Variants in EP300 observed in about 807,000 individuals in gnomAD.
EP300 encodes the protein EP300 lysine acetyltransferase.
Under a neutral mutation model 264.0 loss-of-function variants are expected in EP300, and 31 were observed. The observed-to-expected ratio is 0.12, with a 90% CI of 0.09 to 0.16. The LOEUF (loss-of-function observed/expected upper bound fraction) is 0.16. Among genes scored for constraint, EP300 ranks in the 10% least tolerant of loss-of-function variants. The pLI is 1.00. For missense variants in EP300, 2,766 were observed against 3,052.9 expected (o/e 0.91, Z 2.21); for synonymous variants, 1,340 against 1,045.4 (o/e 1.28, Z -5.44).
Position 41,155,055 on chromosome 22 carries a change from A to T in EP300, c.3203A>T (p.Gln1068Leu). The change falls in exon 17 of 31, where the codon CAG (glutamine) becomes CTG (leucine). Residue 1068 changes from glutamine (Q) to leucine (L), a missense_variant. Physicochemically the swap from Gln to Leu is moderately radical, Grantham distance 113 (BLOSUM62 -2). Coordinates refer to ENST00000263253, the MANE Select transcript of EP300 (RefSeq NM_001429.4). ...CCAACTTTGGAGGCACTTTACCGTC[A>T]GGATCCAGAATCCCTTCCCTTTCGT... is the stretch of plus-strand genomic sequence containing the variant. ...LMPTLEALYR[Q>L]DPESLPFRQP... 1.2e-6 allele frequency: 2 copies of T among 1,614,152 alleles called. No homozygotes were observed. The highest frequency in any genetic ancestry group is 1.7e-6 in the Non-Finnish European group (2 of 1,180,008).
Position 41,137,675 on chromosome 22 carries a change from A to C in EP300, c.1645A>C (p.Ser549Arg). 6.2e-7 allele frequency: 1 copy of C among 1,614,200 alleles called. No homozygotes were observed. Among genetic ancestry groups the C allele is most frequent in the Non-Finnish European group, 8.5e-7 (1 of 1,180,022 alleles). Reference protein sequence around the residue: ...SQNPMMSENASVPSLGPMPTA... With the variant: ...SQNPMMSENARVPSLGPMPTA... The stretch of plus-strand genomic sequence containing the variant: ...AAGCCCAATGATGAGTGAAAATGCC[A>C]GTGTGCCCTCCCTGGGTCCTATGCC... Residue 549 changes from serine (S) to arginine (R), a missense_variant, in exon 8 of 31, where the codon AGT becomes CGT. Transcript: ENST00000263253.
In EP300 at chr22:41,179,605, A is replaced by C. The variant is rs551821297; in HGVS notation, c.*649A>C. 5.9e-5 allele frequency: 13 copies of C among 218,532 alleles called. No individual in the cohort carries two copies. The South Asian group carries it at 2.4e-3, about 41-fold the overall frequency. 13.5% of individuals were successfully genotyped at this position (218,532 alleles called of 1,614,324 possible). On this transcript the variant is annotated 3_prime_UTR_variant, in exon 31 of 31. Coordinates refer to ENST00000263253, the MANE Select transcript of EP300 (RefSeq NM_001429.4). ...GCTCCAGAAAATTTTCTATTCTGTA[A>C]GTCTGAGCGTAAAACTTCAAGTATT... is the stretch of plus-strand genomic sequence containing the variant.
chr22:41,118,959 G>A (rs2058836373), intron 2 of EP300, among the ~76,000 whole-genome samples: 1 of 150,346 alleles, frequency 6.7e-6, no homozygotes, highest in African/African-American at 2.4e-5. Flanking sequence ...TTCTGTTTTA[G>A]CATTCCTTTG....
intron 10 of EP300, among the ~76,000 whole-genome samples, chr22:41,141,665 C>CTTTTTTTTTTTTTT (rs77123676): frequency 6.8e-6 from 1 of 146,122 alleles, no homozygotes. Context: ...TCTAGGAACT[C>CTTTTTTTTTTTTTT]TTTTTTTTTT....
At chr22:41,126,198 C>G (rs2058881423) in intron 3 of EP300, 158 bp downstream of exon 3, 4 of 712,912 alleles carry the variant, frequency 5.6e-6, no homozygotes, top group South Asian at 1.8e-5. Flanking sequence ...GCTTGTGCTT[C>G]CTTTCCATTT....
chr22:41,178,831 T>G lies in EP300; in HGVS notation c.7120T>G (p.Ser2374Ala), dbSNP rs768864659. 2.5e-6 allele frequency: 4 copies of G among 1,614,170 alleles called. No homozygotes were observed. The Admixed American group carries it at 6.7e-5, about 27-fold the overall frequency. The change falls in exon 31 of 31, where the codon TCT (serine) becomes GCT (alanine). Residue 2374 changes from serine to alanine, a missense_variant. Transcript: ENST00000263253. ...FASPDQNSML[S>A]QLASNPGMAN... The stretch of plus-strand genomic sequence containing the variant: ...CAGCCCGGACCAGAATTCAATGCTT[T>G]CTCAGCTTGCTAGCAATCCAGGCAT...
rs1380645467 is a variant in EP300, at chr22:41,092,595, AAGG to A, written c.-402_-400del. On this transcript the variant is annotated 5_prime_UTR_variant, in exon 1 of 31. Coordinates refer to ENST00000263253, the MANE Select transcript of EP300 (RefSeq NM_001429.4). ...GCCCCCGCCTCCTTGTGGCGATGAG[AAGG>A]AGGAGGACAGCGCCGAGGAGGAAGA... The A allele has an allele frequency of 7.2e-6, 4 of 557,558 alleles. No individual in the cohort carries two copies. Among genetic ancestry groups the A allele is most frequent in the Non-Finnish European group, 1.3e-5 (4 of 305,254 alleles). 34.5% of individuals were successfully genotyped at this position (557,558 alleles called of 1,614,324 possible).
Position 41,177,383 on chromosome 22 carries a change from A to G in EP300, c.5672A>G (p.Gln1891Arg). ...NSMPPYLPRT[Q>R]AAGPVSQGKA... Reference sequence around the variant, plus strand: ...ATGCCACCCTACTTGCCCAGGACTCAAGCTGCTGGCCCTGTGTCCCAGGGT... The same window carrying G: ...ATGCCACCCTACTTGCCCAGGACTCGAGCTGCTGGCCCTGTGTCCCAGGGT... Residue 1891 changes from glutamine to arginine, a missense_variant, in exon 31 of 31, where the codon CAA becomes CGA. Physicochemically the swap from Gln to Arg is conservative, Grantham distance 43. Transcript: ENST00000263253. 6.2e-7 allele frequency: 1 copy of G among 1,613,922 alleles called. No individual in the cohort carries two copies. Among genetic ancestry groups the G allele is most frequent in the South Asian group, 1.1e-5 (1 of 91,076 alleles).
At position 41,170,679 on chromosome 22, in the gene EP300, T is replaced by TG. The variant is rs2059164661; in HGVS notation, c.4452+109dup. 8.4e-6 allele frequency: 8 copies of TG among 950,772 alleles called. No homozygotes were observed. The South Asian group carries it at 1.2e-4, about 15-fold the overall frequency. 58.9% of individuals were successfully genotyped at this position (950,772 alleles called of 1,614,324 possible). A position where few individuals can be genotyped will look rare whatever the true frequency, so the allele number is the denominator to read the frequency against. On this transcript the variant is annotated intron_variant, in intron 27 of 30. Transcript: ENST00000263253. The stretch of plus-strand genomic sequence containing the variant: ...TTTTTTTTTTTTTTTTTTTTTTTTT[T>TG]GAGACGGAGTCTCGCTCTGTCACGC...
intron 2 of EP300, among the ~76,000 whole-genome samples, chr22:41,122,655 A>G (rs898268459): frequency 6.6e-6 from 1 of 152,146 alleles, no homozygotes; most frequent in Non-Finnish European, 1.5e-5. Context: ...AGTATAAAGA[A>G]GATTAATTTA....
intron 1 of EP300, among the ~76,000 whole-genome samples, chr22:41,098,716 T>A (rs1452336105): frequency 1.3e-5 from 2 of 152,134 alleles, no homozygotes; most frequent in Non-Finnish European, 2.9e-5. Context: ...CTAAAAGTAC[T>A]GAAAAGAGTA....
chr22:41,149,844 G>C lies in EP300; in HGVS notation c.2463G>C (p.Gln821His), dbSNP rs1313772316. ...GSQGSHIHCP[Q>H]LPQPALHQNS... ...AGGGGAGCCACATTCACTGTCCCCAGCTTCCTCAACCAGCTCTTCATCAGA... is the reference window on the plus strand; with the variant it reads ...AGGGGAGCCACATTCACTGTCCCCACCTTCCTCAACCAGCTCTTCATCAGA... Residue 821 changes from glutamine to histidine, a missense_variant, in exon 14 of 31, where the codon CAG becomes CAC. Coordinates refer to ENST00000263253, the MANE Select transcript of EP300 (RefSeq NM_001429.4). 6.2e-7 allele frequency: 1 copy of C among 1,613,944 alleles called. No individual in the cohort carries two copies. The highest frequency in any genetic ancestry group is 8.5e-7 in the Non-Finnish European group (1 of 1,179,990).
At chr22:41,176,614 G>A (rs2059202061) in intron 30 of EP300, 86 bp downstream of exon 30, 7 of 1,607,818 alleles carry the variant, frequency 4.4e-6, no homozygotes, top group Middle Eastern at 2.0e-4. Context: ...ATAGAGGCCT[G>A]TGGGATGCTA....
At chr22:41,107,069 G>A (rs984171683) in intron 1 of EP300, among the ~76,000 whole-genome samples, 2 of 151,968 alleles carry the variant, frequency 1.3e-5, no homozygotes, top group African/African-American at 4.8e-5. Flanking sequence ...ATCACCCCCG[G>A]CTCATTTTTG....
At chr22:41,149,733 T>C (rs1465926876) in intron 13 of EP300, 28 bp from the exon 14 acceptor site, 1 of 1,610,108 alleles carries the variant, frequency 6.2e-7, no homozygotes, top group African/African-American at 1.3e-5. Context: ...TCTGAATTGC[T>C]GTCTTGTTAT....
At chr22:41,106,532 C>T (rs966312743) in intron 1 of EP300, among the ~76,000 whole-genome samples, 1 of 152,178 alleles carries the variant, frequency 6.6e-6, no homozygotes, top group African/African-American at 2.4e-5. Context: ...GGTTGTTCCA[C>T]TCTTCATCTG....
At chr22:41,105,633 A>G (rs1412034988) in intron 1 of EP300, among the ~76,000 whole-genome samples, 3 of 151,994 alleles carry the variant, frequency 2.0e-5, no homozygotes, top group Non-Finnish European at 4.4e-5. Context: ...TCCTGACCTC[A>G]TGATCCACCC....
rs2145713790 is a variant in EP300, at chr22:41,129,999, A to G, written c.1278A>G (p.Gln426=). 1.2e-6 allele frequency: 2 copies of G among 1,608,128 alleles called. No homozygotes were observed. The highest frequency in any genetic ancestry group is 1.1e-5 in the South Asian group (1 of 90,984). The stretch of plus-strand genomic sequence containing the variant: ...AAAATGCTGGTGATAAGAGAAATCA[A>G]CAGCGTAAGTGATGAAATCTTTTGA... The part of the protein sequence containing the change: ...PLKNAGDKRN[Q]QPILTGAPVG... Residue 426 remains glutamine (Q), a synonymous_variant, in exon 5 of 31, where the codon CAA becomes CAG. Transcript: ENST00000263253.
chr22:41,137,272 G>A (rs184094554), intron 7 of EP300, among the ~76,000 whole-genome samples: 10 of 146,108 alleles, frequency 6.8e-5, no homozygotes, highest in East Asian at 2.1e-4. Flanking sequence ...CAGGAGAATC[G>A]CTTGAACCCA....
Sources: gnomAD v4.1 joint callset for allele counts (sites outside exome capture counted in the v4.1 genomes callset) on GRCh38, gnomAD v4.1.1 for gene constraint, MANE v1.5 for transcripts, NCBI Gene and HGNC (gene_info 2026-07-23, HGNC 2026-07-21) for gene names.